SDK1: variants seen among roughly 807,000 people sequenced by gnomAD.
The protein encoded by SDK1 is sidekick cell adhesion molecule 1.
SDK1 carries 157 observed loss-of-function variants against 245.5 expected under a neutral mutation model. The observed-to-expected ratio is 0.64, with a 90% CI of 0.56 to 0.73. The LOEUF (loss-of-function observed/expected upper bound fraction) is 0.73. Among genes scored for constraint, SDK1 ranks in the 30% least tolerant of loss-of-function variants. The pLI is 0.00. For synonymous variants in SDK1, 1,647 were observed against 1,278.5 expected (o/e 1.29, Z -6.15); for missense variants, 3,583 against 3,002.3 (o/e 1.19, Z -4.52).
chr7:3,422,123 A>G (rs1303971435), intron 1 of SDK1, among the ~76,000 whole-genome samples: 1 of 152,200 alleles, frequency 6.6e-6, no homozygotes, highest in African/African-American at 2.4e-5. Flanking sequence ...AGATTTCTGA[A>G]TGTCATAATA....
chr7:4,073,610 C>G (rs1780411063), intron 20 of SDK1, among the ~76,000 whole-genome samples: 1 of 152,182 alleles, frequency 6.6e-6, no homozygotes, highest in Non-Finnish European at 1.5e-5. Flanking sequence ...TAAACAAAGT[C>G]TGCTCTTCCC....
chr7:3,704,707 A>G (rs1365910220), intron 4 of SDK1, among the ~76,000 whole-genome samples: 3 of 151,874 alleles, frequency 2.0e-5, no homozygotes, highest in Non-Finnish European at 2.9e-5. Flanking sequence ...GATCCCATTT[A>G]TTTATTTTCA....
At position 4,150,413 on chromosome 7, in the gene SDK1, G is replaced by A. The variant is rs370678253; in HGVS notation, c.4625+950G>A. Among the ~76,000 whole-genome samples the A allele has an allele frequency of 1.2e-4, 19 of 152,304 alleles. No homozygotes were observed. The East Asian group carries it at 1.9e-3, about 16-fold the overall frequency. On this transcript the variant is annotated intron_variant, in intron 30 of 44. Coordinates refer to ENST00000404826, the MANE Select transcript of SDK1 (RefSeq NM_152744.4). ...ACTAAGAGGGTAGAGGGGCCAAGAC[G>A]GTTGTCTCCAGGCTGGCCGAGCTTC...
intron 1 of SDK1, among the ~76,000 whole-genome samples, chr7:3,579,777 C>T (rs1035568714): frequency 2.6e-5 from 4 of 152,060 alleles, no homozygotes; most frequent in African/African-American, 4.8e-5. Flanking sequence ...TAAAAACAGG[C>T]AAAGAAAGGG....
At chr7:4,263,208 C>G (rs149216209) in intron 44 of SDK1, among the ~76,000 whole-genome samples, 1 of 92,360 alleles carries the variant, frequency 1.1e-5, no homozygotes, top group Admixed American at 1.3e-4. Context: ...CTTCCCTGTA[C>G]CTGGTCACCT....
At chr7:3,863,130 C>T (rs900136797) in intron 5 of SDK1, among the ~76,000 whole-genome samples, 1 of 152,188 alleles carries the variant, frequency 6.6e-6, no homozygotes, top group Non-Finnish European at 1.5e-5. Flanking sequence ...AACCCTCAGC[C>T]TGGTTCCTGT....
At position 4,267,429 on chromosome 7, in the gene SDK1, G is replaced by A. The variant is rs910807447; in HGVS notation, c.*2045G>A. The stretch of plus-strand genomic sequence containing the variant: ...GCTCTGCCCAAAGCCACTTCTGCAT[G>A]AGAATCGCAACCCACAGTTCCCCGG... On this transcript the variant is annotated 3_prime_UTR_variant, in exon 45 of 45. Coordinates refer to ENST00000404826, the MANE Select transcript of SDK1 (RefSeq NM_152744.4). 1.0e-6 allele frequency: 1 copy of A among 985,412 alleles called. No individual in the cohort carries two copies. Among genetic ancestry groups the A allele is most frequent in the Non-Finnish European group, 1.2e-6 (1 of 829,962 alleles). 61.0% of individuals were successfully genotyped at this position (985,412 alleles called of 1,614,324 possible). A position where few individuals can be genotyped will look rare whatever the true frequency, so the allele number is the denominator to read the frequency against.
At chr7:3,618,910 T>C (rs905237716) in intron 1 of SDK1, among the ~76,000 whole-genome samples, 170 bp from the exon 2 acceptor site, 2 of 152,238 alleles carry the variant, frequency 1.3e-5, no homozygotes, top group Admixed American at 1.3e-4. Context: ...ATCTGGGGTA[T>C]TGCATGTTTC....
chr7:4,231,649 T>G (rs545624163), intron 40 of SDK1, among the ~76,000 whole-genome samples: 1 of 150,672 alleles, frequency 6.6e-6, no homozygotes, highest in African/African-American at 2.4e-5. Flanking sequence ...GGAGGGAAGA[T>G]CAGTATTATA....
chr7:4,014,775 G>C (rs1373810701), intron 16 of SDK1, among the ~76,000 whole-genome samples: 1 of 152,034 alleles, frequency 6.6e-6, no homozygotes, highest in East Asian at 1.9e-4. Context: ...TGGTCTCCTG[G>C]GCAACATATC....
intron 16 of SDK1, among the ~76,000 whole-genome samples, chr7:4,015,380 C>T (rs1393002221): frequency 6.6e-6 from 1 of 152,214 alleles, no homozygotes; most frequent in Admixed American, 6.5e-5. Flanking sequence ...TGCTTGGTGC[C>T]AGCATGCCCA....
intron 1 of SDK1, among the ~76,000 whole-genome samples, chr7:3,439,284 T>C (rs1482256526): frequency 1.3e-5 from 2 of 152,228 alleles, no homozygotes; most frequent in Non-Finnish European, 2.9e-5. Context: ...ACATTTCATC[T>C]AAAACGTGTG....
intron 7 of SDK1, chr7:3,957,921 G>A: frequency 2.1e-6 from 1 of 467,918 alleles, no homozygotes. Flanking sequence ...CTGCTTGAGT[G>A]GTCCAGGTAA....
At chr7:3,616,852 T>C (rs552233011) in intron 1 of SDK1, among the ~76,000 whole-genome samples, 1 of 152,352 alleles carries the variant, frequency 6.6e-6, no homozygotes, top group East Asian at 1.9e-4. Context: ...CAGTAGTTTA[T>C]AAGAACAGCT....
chr7:4,211,462 G>A (rs983424031), intron 38 of SDK1, among the ~76,000 whole-genome samples: 16 of 152,224 alleles, frequency 1.1e-4, no homozygotes, highest in African/African-American at 3.6e-4. Flanking sequence ...CAGATCAGGG[G>A]TGTGTATTGA....
intron 1 of SDK1, among the ~76,000 whole-genome samples, chr7:3,435,510 T>C (rs1583853621): frequency 1.3e-5 from 2 of 150,532 alleles, no homozygotes; most frequent in South Asian, 2.1e-4. Context: ...ATTATGATTA[T>C]GATTATGATT....
intron 4 of SDK1, among the ~76,000 whole-genome samples, chr7:3,757,018 G>T (rs1472507992): frequency 6.6e-6 from 1 of 151,948 alleles, no homozygotes; most frequent in South Asian, 2.1e-4. Context: ...TTTCTCACCA[G>T]CTGAATATGT....
Position 4,010,860 on chromosome 7 carries a change from C to T in SDK1, c.2132-106C>T, listed in dbSNP as rs970360679. 2.2e-5 allele frequency: 26 copies of T among 1,169,600 alleles called. No individual in the cohort carries two copies. The Admixed American group carries it at 4.5e-4, about 20-fold the overall frequency. The allele number at this position is 1,169,600 out of a possible 1,614,324, so 72.5% of individuals were successfully genotyped here. A position where few individuals can be genotyped will look rare whatever the true frequency, so the allele number is the denominator to read the frequency against. On this transcript the variant is annotated intron_variant, in intron 14 of 44. Coordinates refer to ENST00000404826, the MANE Select transcript of SDK1 (RefSeq NM_152744.4). The stretch of plus-strand genomic sequence containing the variant: ...TAAGCTTTCCTTCTCCTAGAGCTGT[C>T]CTGCTAAGCAAATGAGATGTTCCCT...
At position 3,846,203 on chromosome 7, in the gene SDK1, TACAC is replaced by T. The variant is rs61491555; in HGVS notation, c.847+24630_847+24633del. ...GGGATGTGTGCCCAACACATGCATGTACACACACACACAGGCAAGGAAAAATGTG... is the reference window on the plus strand; with the variant it reads ...GGGATGTGTGCCCAACACATGCATGTACACACACAGGCAAGGAAAAATGTG... On this transcript the variant is annotated intron_variant, in intron 5 of 44. Coordinates refer to ENST00000404826, the MANE Select transcript of SDK1 (RefSeq NM_152744.4). 8.9e-3 allele frequency among the ~76,000 whole-genome samples: 1,358 copies of T among 151,834 alleles called. 23 individuals carry two copies. The highest frequency in any genetic ancestry group is 0.031 in the African/African-American group (1,291 of 41,452).
Sources: gnomAD v4.1 joint callset for allele counts (sites outside exome capture counted in the v4.1 genomes callset) on GRCh38, gnomAD v4.1.1 for gene constraint, MANE v1.5 for transcripts, NCBI Gene and HGNC (gene_info 2026-07-23, HGNC 2026-07-21) for gene names.